The following L3HYPDH variants were observed in gnomAD, a reference collection of about 807,000 sequenced individuals.
L3HYPDH encodes the protein trans-3-hydroxy-L-proline dehydratase.
In L3HYPDH, 32 loss-of-function variants were observed where a neutral mutation model predicts 26.5. The observed-to-expected ratio is 1.21, with a 90% CI of 0.91 to 1.62. The LOEUF (loss-of-function observed/expected upper bound fraction) is 1.62. L3HYPDH is among the 40% of genes most tolerant of loss of function. L3HYPDH has a pLI of 0.00. For synonymous variants in L3HYPDH, 215 were observed against 196.6 expected (o/e 1.09, Z -0.78); for missense variants, 554 against 476.4 (o/e 1.16, Z -1.52).
the L3HYPDH span, among the ~76,000 whole-genome samples, chr14:59,494,015 A>G: frequency 6.6e-6 from 1 of 152,180 alleles, no homozygotes; most frequent in Non-Finnish European, 1.5e-5. Flanking sequence ...TCAAATGGGA[A>G]AATGTAAAGT....
At chr14:59,504,056 G>C in the L3HYPDH span, 3 of 1,610,714 alleles carry the variant, frequency 1.9e-6, no homozygotes, top group Non-Finnish European at 2.5e-6. Flanking sequence ...CTCTCAGAAG[G>C]AGCCAATGGA....
chr14:59,494,363 A>G, the L3HYPDH span, among the ~76,000 whole-genome samples: 1 of 152,230 alleles, frequency 6.6e-6, no homozygotes, highest in Non-Finnish European at 1.5e-5. Flanking sequence ...GTGGAATCCT[A>G]ACACAATAGC....
At chr14:59,465,618 GCT>G (rs889032484) in intron 1 of L3HYPDH, among the ~76,000 whole-genome samples, 8 of 152,162 alleles carry the variant, frequency 5.3e-5, no homozygotes, top group African/African-American at 1.9e-4. Context: ...GTTCACTCTT[GCT>G]CTCTTTTGTA....
intron 4 of L3HYPDH, chr14:59,474,423 G>C: frequency 4.5e-6 from 3 of 663,358 alleles, no homozygotes; most frequent in Non-Finnish European, 8.1e-6. Flanking sequence ...TCTAATAAAT[G>C]CATCTACTTG....
the L3HYPDH span, among the ~76,000 whole-genome samples, chr14:59,493,296 A>G: frequency 6.6e-6 from 1 of 152,352 alleles, no homozygotes; most frequent in African/African-American, 2.4e-5. Context: ...ACACCTGTTA[A>G]CAGCCTTGGT....
chr14:59,498,850 T>G, the L3HYPDH span: 1 of 1,612,236 alleles, frequency 6.2e-7, no homozygotes, highest in Non-Finnish European at 8.5e-7. Flanking sequence ...GTATTTATGC[T>G]GCACTTTACT....
At chr14:59,477,781 A>G (rs191896843) in intron 2 of L3HYPDH, among the ~76,000 whole-genome samples, 176 of 152,348 alleles carry the variant, frequency 1.2e-3, no homozygotes, top group African/African-American at 4.0e-3. Flanking sequence ...AATTATTTTA[A>G]AATAAAGCTT....
the L3HYPDH span, chr14:59,495,296 G>A: frequency 1.2e-4 from 150 of 1,206,026 alleles, no homozygotes; most frequent in South Asian, 6.8e-4. Context: ...ATTTTATGGC[G>A]TTTGGAGACA....
chr14:59,473,219 T>C, intron 4 of L3HYPDH, 129 bp from the exon 5 acceptor site: 1 of 750,398 alleles, frequency 1.3e-6, no homozygotes, highest in Non-Finnish European at 2.0e-6. Context: ...CCAGGGAAGG[T>C]TTTTAAGGAG....
In L3HYPDH at chr14:59,475,900, G is replaced by C. The variant is rs1194365251; in HGVS notation, c.908C>G (p.Thr303Ser). ...AGCTTTCCCTGTGAATACTGAGCCA[G>C]TTGCACTGCTTTTGAAGGCTCTCAT... ...NQMRAFKSSA[T>S]GSVFTGKAVR... The change falls in exon 4 of 5, where the codon ACT (threonine) becomes AGT (serine). Residue 303 changes from threonine (T) to serine (S), a missense_variant. Transcript: ENST00000247194. 3 of 1,613,438 alleles carry C rather than the reference G, an allele frequency of 1.9e-6. No homozygotes were observed. The African/African-American group carries it at 4.0e-5, about 22-fold the overall frequency.
chr14:59,470,904 T>C (rs1183426102), downstream of L3HYPDH, among the ~76,000 whole-genome samples: 1 of 125,074 alleles, frequency 8.0e-6, no homozygotes, highest in African/African-American at 3.0e-5. Flanking sequence ...TGTTTACAAT[T>C]AGCACATTTA....
intron 1 of L3HYPDH, among the ~76,000 whole-genome samples, chr14:59,483,334 CTCATT>C (rs202151476): frequency 0.012 from 1,791 of 152,260 alleles, 26 homozygotes; most frequent in African/African-American, 0.042. Flanking sequence ...TTCATTCATT[CTCATT>C]TAATTCTTCA....
At chr14:59,505,059 C>T in the L3HYPDH span, 3 of 398,476 alleles carry the variant, frequency 7.5e-6, no homozygotes, top group East Asian at 1.1e-4. Flanking sequence ...ACAACCTGAC[C>T]ATGTTTATCC....
chr14:59,492,432 C>T, the L3HYPDH span, among the ~76,000 whole-genome samples: 1 of 152,142 alleles, frequency 6.6e-6, no homozygotes, highest in Non-Finnish European at 1.5e-5. Flanking sequence ...TCTTACACCT[C>T]ACAGAAGCCA....
At chr14:59,468,486 G>A (rs765509650), downstream of L3HYPDH, among the ~76,000 whole-genome samples, 15 of 151,962 alleles carry the variant, frequency 9.9e-5, no homozygotes, top group Admixed American at 3.3e-4. Context: ...CCCCATCTTC[G>A]CGTTAAGGTT....
chr14:59,501,157 C>G, the L3HYPDH span: 1 of 1,328,608 alleles, frequency 7.5e-7, no homozygotes, highest in Non-Finnish European at 1.1e-6. Flanking sequence ...AAATTTGTTT[C>G]ATTTCCAACA....
intron 4 of L3HYPDH, chr14:59,474,559 T>C (rs1162033483): frequency 1.4e-6 from 1 of 697,698 alleles, no homozygotes; most frequent in South Asian, 1.5e-5. Flanking sequence ...CCTTTTGCTT[T>C]GTCTGACAGC....
At chr14:59,495,171 A>G in the L3HYPDH span, 225 of 1,613,806 alleles carry the variant, frequency 1.4e-4, no homozygotes, top group African/African-American at 2.4e-3. Flanking sequence ...TTTACAACCC[A>G]AGTCCAGATT....
chr14:59,470,631 A>G (rs1334794997), downstream of L3HYPDH, among the ~76,000 whole-genome samples: 1 of 152,108 alleles, frequency 6.6e-6, no homozygotes, highest in Non-Finnish European at 1.5e-5. Flanking sequence ...CCTGTTCTAA[A>G]ATGGACCACA....
Sources: allele counts gnomAD v4.1 joint callset (sites outside exome capture counted in the v4.1 genomes callset), GRCh38; gene constraint gnomAD v4.1.1; transcripts MANE v1.5; gene names NCBI Gene and HGNC (gene_info 2026-07-23, HGNC 2026-07-21).